The following SCARB1 variants were observed in gnomAD, a reference collection of about 807,000 sequenced individuals.
SCARB1 encodes the protein CD36 and LIMPII analogous 1.
SCARB1 carries 30 observed loss-of-function variants against 57.2 expected under a neutral mutation model. The ratio of observed to expected loss-of-function variants is 0.52; its 90% confidence interval spans 0.39 to 0.71. The LOEUF (loss-of-function observed/expected upper bound fraction) is 0.71. Among genes scored for constraint, SCARB1 ranks in the 30% least tolerant of loss-of-function variants. The probability of loss-of-function intolerance (pLI) is 0.00; values close to 1 mark genes in which losing one functional copy is unlikely to be tolerated. For missense variants in SCARB1, 543 were observed against 671.2 expected (o/e 0.81, Z 2.11); for synonymous variants, 249 against 268.3 (o/e 0.93, Z 0.70).
chr12:124,861,110 T>C (rs1042077729), intron 1 of SCARB1, among the ~76,000 whole-genome samples: 1 of 152,158 alleles, frequency 6.6e-6, no homozygotes, highest in Non-Finnish European at 1.5e-5. Flanking sequence ...CAAGTATTCA[T>C]ATATTTTATA....
At position 124,827,867 on chromosome 12, in the gene SCARB1, A is replaced by G. The variant is rs976207058; in HGVS notation, c.127-10160T>C. 1.3e-5 allele frequency among the ~76,000 whole-genome samples: 2 copies of G among 152,146 alleles called. 1 individual carries two copies. Among genetic ancestry groups the G allele is most frequent in the South Asian group, 4.1e-4 (2 of 4,822 alleles). On this transcript the variant is annotated intron_variant, in intron 1 of 12. Coordinates refer to ENST00000261693, the MANE Select transcript of SCARB1 (RefSeq NM_005505.5). The stretch of plus-strand genomic sequence containing the variant: ...GAGCACACGGTATAATTAGCTTATC[A>G]GGTTTATTGCTGTCCATCTGTATCA...
At chr12:124,802,485 G>A (rs563991711) in intron 7 of SCARB1, among the ~76,000 whole-genome samples, 4 of 152,160 alleles carry the variant, frequency 2.6e-5, no homozygotes, top group East Asian at 3.9e-4. Flanking sequence ...TGCCTCCTCC[G>A]TGGAGGAGGC....
Position 124,817,701 on chromosome 12 carries a change from G to C in SCARB1, c.133C>G (p.Arg45Gly). 6.2e-7 allele frequency: 1 copy of C among 1,614,092 alleles called. No individual in the cohort carries two copies. Among genetic ancestry groups the C allele is most frequent in the African/African-American group, 1.3e-5 (1 of 75,050 alleles). ...LIKQQVLKNVRIDPSSLSFNM... is the reference protein window; with the variant it reads ...LIKQQVLKNVGIDPSSLSFNM... The stretch of plus-strand genomic sequence containing the variant: ...AAGGACAGGCTACTGGGGTCGATGC[G>C]CACGTTCTGCAGGGGAAGGGACAAG... Residue 45 changes from arginine to glycine, a missense_variant, in exon 2 of 13, where the codon CGC (arginine) becomes GGC (glycine). Arg to Gly is a moderately radical substitution (Grantham distance 125, BLOSUM62 -2). Transcript: ENST00000261693. This position sits in a 1 kb window ranked among gnomAD's most constrained non-coding sequence, Gnocchi z 4.8.
chr12:124,854,438 G>A (rs1952550275), intron 1 of SCARB1, among the ~76,000 whole-genome samples: 1 of 152,232 alleles, frequency 6.6e-6, no homozygotes, highest in South Asian at 2.1e-4. Flanking sequence ...GGCCATGTCA[G>A]GGCTTTGAGG....
chr12:124,855,342 G>A (rs1172826116), intron 1 of SCARB1, among the ~76,000 whole-genome samples: 4 of 152,186 alleles, frequency 2.6e-5, no homozygotes, highest in Admixed American at 1.3e-4. Context: ...CGGGACCTGG[G>A]GAGCTTCTGA....
chr12:124,826,675 G>T (rs528662547), intron 1 of SCARB1, among the ~76,000 whole-genome samples: 49 of 151,966 alleles, frequency 3.2e-4, no homozygotes, highest in African/African-American at 1.2e-3. Flanking sequence ...GCCCAGGCTG[G>T]TCTTGAACTC....
chr12:124,785,826 T>C, intron 11 of SCARB1: 1 of 493,280 alleles, frequency 2.0e-6, no homozygotes, highest in Non-Finnish European at 3.6e-6. Flanking sequence ...TATTAGAAAA[T>C]TTAAACTGAA....
At chr12:124,808,201 A>C (rs1207520214) in intron 6 of SCARB1, among the ~76,000 whole-genome samples, 2 of 152,188 alleles carry the variant, frequency 1.3e-5, no homozygotes, top group Non-Finnish European at 2.9e-5. Flanking sequence ...CACACCTGTA[A>C]TCCCAGCACT....
chr12:124,810,062 C>G lies in SCARB1; in HGVS notation c.842+112G>C. The G allele has an allele frequency of 4.1e-6, 3 of 731,372 alleles. No homozygotes were observed. The highest frequency in any genetic ancestry group is 3.6e-4 in the Middle Eastern group (1 of 2,764). 45.3% of individuals were successfully genotyped at this position (731,372 alleles called of 1,614,324 possible). On this transcript the variant is annotated intron_variant, in intron 6 of 12. Coordinates refer to ENST00000261693, the MANE Select transcript of SCARB1 (RefSeq NM_005505.5). This position sits in a 1 kb window ranked among gnomAD's most constrained non-coding sequence, Gnocchi z 4.0. ...GAATTCAAGCTGGTGCCAAGGGCTACTGAGTCAAATCCACGATGAGTCAAA... is the reference window on the plus strand; with the variant it reads ...GAATTCAAGCTGGTGCCAAGGGCTAGTGAGTCAAATCCACGATGAGTCAAA...
intron 1 of SCARB1, among the ~76,000 whole-genome samples, chr12:124,860,364 C>T (rs192746204): frequency 6.6e-5 from 10 of 152,348 alleles, no homozygotes; most frequent in Non-Finnish European, 1.2e-4. Context: ...ACATCTTCAC[C>T]CCAGCTCATC....
intron 7 of SCARB1, among the ~76,000 whole-genome samples, chr12:124,803,345 G>A (rs1204278551): frequency 6.6e-6 from 1 of 152,172 alleles, no homozygotes; most frequent in Non-Finnish European, 1.5e-5. Flanking sequence ...TTGGGCGGGA[G>A]GATCACTTGA....
At chr12:124,837,197 C>T (rs1424453552) in intron 1 of SCARB1, among the ~76,000 whole-genome samples, 2 of 152,150 alleles carry the variant, frequency 1.3e-5, no homozygotes, top group African/African-American at 4.8e-5. Context: ...CAGGGCTGAT[C>T]CCAGCCCCAC....
chr12:124,786,598 G>C, intron 10 of SCARB1, 95 bp from the exon 11 acceptor site: 1 of 1,562,848 alleles, frequency 6.4e-7, no homozygotes, highest in Non-Finnish European at 8.6e-7. Context: ...GCCCGCCTCA[G>C]CTTTTCCCCA....
chr12:124,786,304 C>A, intron 11 of SCARB1, 53 bp downstream of exon 11: 1 of 1,608,706 alleles, frequency 6.2e-7, no homozygotes, highest in African/African-American at 1.3e-5. Context: ...CCCTTTCCCC[C>A]AGCAGGCAAG....
rs1192820453 is a variant in SCARB1 at position 124,815,072 on chromosome 12, G to A, written c.327C>T (p.Asp109=). Residue 109 remains aspartate (D), a synonymous_variant, in exon 3 of 13, where the codon GAC becomes GAT. Coordinates refer to ENST00000261693, the MANE Select transcript of SCARB1 (RefSeq NM_005505.5). ...HKSNITFNNN[D]TVSFLEYRTF... is the part of the protein sequence containing the mutation. Reference sequence around the variant, plus strand: ...TGCGGTACTCGAGGAAGGACACGGTGTCGTTGTTGTTGAAGGTGATGTTGC... The same window carrying A: ...TGCGGTACTCGAGGAAGGACACGGTATCGTTGTTGTTGAAGGTGATGTTGC... 1.2e-6 allele frequency: 2 copies of A among 1,614,004 alleles called. No individual in the cohort carries two copies. The highest frequency in any genetic ancestry group is 1.7e-6 in the Non-Finnish European group (2 of 1,180,044).
In SCARB1 at chr12:124,822,836, C is replaced by T. The variant is rs960298327; in HGVS notation, c.127-5129G>A. The stretch of plus-strand genomic sequence containing the variant: ...CCAGGAGTTCAAGGCTGCAGTGAGC[C>T]GTGATCATGTGCCTGCACTCCAGTC... On this transcript the variant is annotated intron_variant, in intron 1 of 12. Coordinates refer to ENST00000261693, the MANE Select transcript of SCARB1 (RefSeq NM_005505.5). The surrounding 1 kb of genome is among the most constrained non-coding windows in gnomAD (Gnocchi z 5.0). Among the ~76,000 whole-genome samples, 3 of 151,970 alleles carry T rather than the reference C, an allele frequency of 2.0e-5. No homozygotes were observed. Among genetic ancestry groups the T allele is most frequent in the African/African-American group, 7.3e-5 (3 of 41,348 alleles).
chr12:124,802,576 G>A (rs927576753), intron 7 of SCARB1, among the ~76,000 whole-genome samples: 1 of 151,874 alleles, frequency 6.6e-6, no homozygotes, highest in Non-Finnish European at 1.5e-5. Context: ...AGGTGGGATG[G>A]AACAACTTGC....
intron 1 of SCARB1, among the ~76,000 whole-genome samples, chr12:124,852,317 AGT>A (rs919637901): frequency 6.6e-6 from 1 of 152,188 alleles, no homozygotes; most frequent in African/African-American, 2.4e-5. Context: ...ATCCAGATGG[AGT>A]GTGTTAAGAC....
intron 1 of SCARB1, among the ~76,000 whole-genome samples, chr12:124,859,463 A>G (rs1318378364): frequency 1.3e-5 from 2 of 152,072 alleles, no homozygotes; most frequent in African/African-American, 4.8e-5. Flanking sequence ...CCCAGGAGGC[A>G]GAGGCTGCAG....
Sources: gnomAD v4.1 joint callset for allele counts (sites outside exome capture counted in the v4.1 genomes callset) on GRCh38, gnomAD v4.1.1 for gene constraint, Gnocchi (gnomAD v3.1) non-coding constraint, MANE v1.5 for transcripts, NCBI Gene and HGNC (gene_info 2026-07-23, HGNC 2026-07-21) for gene names.